Variants in SENP6 observed in about 807,000 individuals in gnomAD.
SENP6 encodes sentrin-specific protease 6.
A neutral mutation model predicts 134.5 loss-of-function variants in SENP6; 41 were observed. The observed-to-expected ratio is 0.30, with a 90% CI of 0.24 to 0.40. SENP6 has a LOEUF of 0.40. Among genes scored for constraint, SENP6 ranks in the 10% least tolerant of loss-of-function variants. SENP6 has a pLI of 1.00. For missense variants in SENP6, 1,248 were observed against 1,312.5 expected (o/e 0.95, Z 0.76); for synonymous variants, 395 against 429.8 (o/e 0.92, Z 1.00).
intron 1 of SENP6, among the ~76,000 whole-genome samples, chr6:75,608,435 G>T (rs1767189427): frequency 6.6e-6 from 1 of 151,726 alleles, no homozygotes; most frequent in Non-Finnish European, 1.5e-5. Context: ...CTTCAGCCTG[G>T]GTGACAGAGC....
rs755131371 is a variant in SENP6, at chr6:75,702,842, A to G, written c.2486A>G (p.Asn829Ser). 6 of 1,614,156 alleles carry G rather than the reference A, an allele frequency of 3.7e-6. No individual in the cohort carries two copies. Among genetic ancestry groups the G allele is most frequent in the Non-Finnish European group, 5.1e-6 (6 of 1,179,986 alleles). Residue 829 changes from asparagine to serine, a missense_variant, in exon 19 of 24, where the codon AAC becomes AGC. Around this residue, in one of 3 missense-constraint regions of SENP6, gnomAD observed 386 missense variants for 395.0 expected, o/e 0.98. Coordinates refer to ENST00000447266, the MANE Select transcript of SENP6 (RefSeq NM_015571.4). Reference sequence around the variant, plus strand: ...AAGCCTGTAATTAAGAAGATGCTAAACAAAAAACATTGCATAGCTGTAATT... The same window carrying G: ...AAGCCTGTAATTAAGAAGATGCTAAGCAAAAAACATTGCATAGCTGTAATT... The part of the protein sequence containing the change: ...SAKPVIKKML[N>S]KKHCIAVIDS...
rs138448600 is a variant in SENP6 at position 75,603,283 on chromosome 6, A to G, written c.52+707A>G. 3.9e-5 allele frequency among the ~76,000 whole-genome samples: 6 copies of G among 152,260 alleles called. No individual in the cohort carries two copies. In the East Asian group the frequency reaches 1.2e-3, roughly 29 times the overall value. On this transcript the variant is annotated intron_variant, in intron 1 of 23. Coordinates refer to ENST00000447266, the MANE Select transcript of SENP6 (RefSeq NM_015571.4). ...CTAAGCCAGCCTCAAGAAAAGCTGT[A>G]TGTTTTTGTTGGGGAAGGTGGTAAT...
At chr6:75,639,831 T>A (rs893610696) in intron 5 of SENP6, among the ~76,000 whole-genome samples, 2 of 152,158 alleles carry the variant, frequency 1.3e-5, no homozygotes, top group South Asian at 4.1e-4. Flanking sequence ...CCTTAAAAAA[T>A]TTTTTTTCTT....
chr6:75,626,571 T>A (rs556441232), intron 3 of SENP6, among the ~76,000 whole-genome samples: 52 of 152,320 alleles, frequency 3.4e-4, no homozygotes, highest in Admixed American at 2.9e-3. Context: ...CCCAGTCTTT[T>A]GCTATTACGT....
At chr6:75,706,024 C>T (rs954205236) in intron 19 of SENP6, among the ~76,000 whole-genome samples, 4 of 146,310 alleles carry the variant, frequency 2.7e-5, no homozygotes, top group East Asian at 4.1e-4. Context: ...GCAACCTCCC[C>T]CTCCTGGGTT....
intron 1 of SENP6, among the ~76,000 whole-genome samples, chr6:75,619,963 T>G (rs914141857): frequency 6.6e-6 from 1 of 151,584 alleles, no homozygotes; most frequent in Non-Finnish European, 1.5e-5. Flanking sequence ...CATGGTGGCA[T>G]GTGTCTGTGA....
At chr6:75,615,998 G>A (rs1239957255) in intron 1 of SENP6, among the ~76,000 whole-genome samples, 1 of 152,024 alleles carries the variant, frequency 6.6e-6, no homozygotes, top group Non-Finnish European at 1.5e-5. Context: ...TTCATCCACC[G>A]AATGTTTATC....
chr6:75,696,664 A>G (rs530607127), intron 17 of SENP6, among the ~76,000 whole-genome samples: 7 of 152,190 alleles, frequency 4.6e-5, no homozygotes, highest in Admixed American at 3.3e-4. Context: ...TTTTGTGGAG[A>G]CAGGGTTTCA....
At chr6:75,621,307 T>G (rs956201090) in intron 1 of SENP6, among the ~76,000 whole-genome samples, 1 of 152,340 alleles carries the variant, frequency 6.6e-6, no homozygotes, top group East Asian at 1.9e-4. Flanking sequence ...AATCTGAGCT[T>G]CTTTGTGTAG....
chr6:75,626,442 C>T (rs892749173), intron 3 of SENP6, among the ~76,000 whole-genome samples: 1 of 152,022 alleles, frequency 6.6e-6, no homozygotes, highest in African/African-American at 2.4e-5. Context: ...ATGTAGATCA[C>T]TCTACAGCAA....
rs187628440 is a variant in SENP6, at chr6:75,703,030, A to C, written c.2674A>C (p.Asn892His). 12 of 1,612,906 alleles carry C rather than the reference A, an allele frequency of 7.4e-6. No individual in the cohort carries two copies. Among genetic ancestry groups the C allele is most frequent in the Non-Finnish European group, 1.0e-5 (12 of 1,179,652 alleles). ...QKVADRTKSE[N>H]GLQNESLSST... ...AGTTGCTGATAGGACTAAAAGTGAGAATGGCCTACAGAATGAAAGTTTAAG... is the reference window on the plus strand; with the variant it reads ...AGTTGCTGATAGGACTAAAAGTGAGCATGGCCTACAGAATGAAAGTTTAAG... The change falls in exon 19 of 24, where the codon AAT becomes CAT. Residue 892 changes from asparagine (N) to histidine (H), a missense_variant. Coordinates refer to ENST00000447266, the MANE Select transcript of SENP6 (RefSeq NM_015571.4).
intron 21 of SENP6, 71 bp from the exon 22 acceptor site, chr6:75,713,442 G>T: frequency 5.6e-6 from 7 of 1,243,800 alleles, no homozygotes; most frequent in Non-Finnish European, 8.1e-6. Context: ...TTTATAATAT[G>T]CCACTTTTAA....
chr6:75,623,901 G>T lies in SENP6; in HGVS notation c.148G>T (p.Gly50Trp). 1 of 1,602,314 alleles carries T rather than the reference G, an allele frequency of 6.2e-7. No homozygotes were observed. The highest frequency in any genetic ancestry group is 8.5e-7 in the Non-Finnish European group (1 of 1,174,102). ...TTTTTCCCCTTATTTTCTGTGTAGT[G>T]GGACAAATCTGCTCAGTGTGGATGA... ...EESEGDTDKD[G>W]TNLLSVDEDE... is the part of the protein sequence containing the mutation. The change falls in exon 3 of 24, where the codon GGG becomes TGG. Residue 50 changes from glycine to tryptophan, a missense_variant and splice_region_variant. Gly to Trp is a radical substitution (Grantham distance 184). Around this residue, in one of 3 missense-constraint regions of SENP6, gnomAD observed 733 missense variants for 725.4 expected, o/e 1.01. Transcript: ENST00000447266.
At chr6:75,676,786 T>C in intron 13 of SENP6, 1 of 343,158 alleles carries the variant, frequency 2.9e-6, no homozygotes. Context: ...AATAGATTTG[T>C]TCTTGAACTG....
At chr6:75,651,350 C>T (rs1770845935) in intron 7 of SENP6, among the ~76,000 whole-genome samples, 1 of 151,978 alleles carries the variant, frequency 6.6e-6, no homozygotes, top group African/African-American at 2.4e-5. Flanking sequence ...CACATGTTAA[C>T]TTTTGCTTTT....
chr6:75,663,932 T>G (rs1357307310), intron 9 of SENP6, among the ~76,000 whole-genome samples: 1 of 152,058 alleles, frequency 6.6e-6, no homozygotes, highest in Admixed American at 6.5e-5. Context: ...CTTTTTACTC[T>G]TATGTGTATG....
intron 3 of SENP6, 48 bp from the exon 4 acceptor site, chr6:75,633,533 G>A (rs781551725): frequency 6.7e-7 from 1 of 1,483,288 alleles, no homozygotes; most frequent in African/African-American, 1.4e-5. Flanking sequence ...TTGATAGATT[G>A]TCACATTATA....
intron 6 of SENP6, chr6:75,647,412 A>T (rs1006514556): frequency 4.7e-6 from 1 of 213,202 alleles, no homozygotes; most frequent in Non-Finnish European, 9.5e-6. Context: ...ATACTACAAG[A>T]CTAAATACTT....
At chr6:75,638,230 C>A (rs1020935027) in intron 5 of SENP6, among the ~76,000 whole-genome samples, 3 of 126,402 alleles carry the variant, frequency 2.4e-5, no homozygotes, top group Non-Finnish European at 4.9e-5. Context: ...TAGTCTTTTT[C>A]CCTTTTCTTT....
Sources: gnomAD v4.1 joint callset for allele counts (sites outside exome capture counted in the v4.1 genomes callset) on GRCh38, gnomAD v4.1.1 for gene constraint, gnomAD v4.1.1 regional missense constraint, MANE v1.5 for transcripts, NCBI Gene and HGNC (gene_info 2026-07-23, HGNC 2026-07-21) for gene names.